The following RNF150 variants were observed in gnomAD, a reference collection of about 807,000 sequenced individuals.
RNF150 encodes ring finger protein 150.
A neutral mutation model predicts 39.3 loss-of-function variants in RNF150; 24 were observed. The observed-to-expected ratio is 0.61, with a 90% CI of 0.44 to 0.86. The LOEUF is 0.86. Ranked by LOEUF, RNF150 falls within the 40% of genes least tolerant of loss-of-function variation. The pLI is 0.00. For synonymous variants in RNF150, 255 were observed against 227.3 expected (o/e 1.12, Z -1.10); for missense variants, 502 against 587.8 (o/e 0.85, Z 1.51).
Position 141,132,817 on chromosome 4 carries a change from G to T in RNF150, c.-9C>A. 2.5e-6 allele frequency: 4 copies of T among 1,606,934 alleles called. No individual in the cohort carries two copies. Among genetic ancestry groups the T allele is most frequent in the Non-Finnish European group, 3.4e-6 (4 of 1,176,356 alleles). ...ATGAGAGACATTGCCATCTTTATCC[G>T]CCGGGGCCCCCTCCCCGCCCCCGCG... On this transcript the variant is annotated 5_prime_UTR_variant, in exon 1 of 7. Coordinates refer to ENST00000515673, the MANE Select transcript of RNF150 (RefSeq NM_020724.2). The surrounding 1 kb of genome is among the most constrained non-coding windows in gnomAD (Gnocchi z 4.9).
chr4:140,968,272 T>G (rs1256490783), intron 1 of RNF150, among the ~76,000 whole-genome samples: 1 of 151,904 alleles, frequency 6.6e-6, no homozygotes, highest in Admixed American at 6.6e-5. Context: ...GACTTTGCAT[T>G]CCATGACAAA....
chr4:141,210,011 A>G (rs10021229), intron 1 of RNF150, among the ~76,000 whole-genome samples: 33,670 of 151,972 alleles, frequency 0.22, 3,970 homozygotes, highest in South Asian at 0.32. Context: ...TAAGATATAA[A>G]GAGATAGAAA....
At chr4:140,881,426 T>G (rs908647546) in intron 6 of RNF150, among the ~76,000 whole-genome samples, 2 of 152,142 alleles carry the variant, frequency 1.3e-5, no homozygotes, top group Non-Finnish European at 2.9e-5. Context: ...AGCCTCCCAA[T>G]CTGCTGGGAT....
chr4:141,165,264 T>C (rs1052313599), intron 1 of RNF150, among the ~76,000 whole-genome samples: 2 of 152,128 alleles, frequency 1.3e-5, no homozygotes, highest in African/African-American at 4.8e-5. Context: ...TAAATATATA[T>C]GCACCCAGTA....
intron 1 of RNF150, among the ~76,000 whole-genome samples, chr4:141,115,582 C>G (rs180773067): frequency 1.3e-5 from 2 of 152,244 alleles, no homozygotes; most frequent in African/African-American, 4.8e-5. Context: ...TTTATTGATT[C>G]AAAGCTATCC....
chr4:140,886,290 T>A (rs1729575377), intron 6 of RNF150, among the ~76,000 whole-genome samples: 1 of 152,086 alleles, frequency 6.6e-6, no homozygotes, highest in Non-Finnish European at 1.5e-5. Context: ...TACTCCACAT[T>A]TTTCCAGAAT....
At position 140,978,248 on chromosome 4, in the gene RNF150, T is replaced by A. The variant is rs188456201; in HGVS notation, c.485-10375A>T. ...AAGACTCTGCTGCCAACTTGAAATATGTCAAATGCTGATGTTCCTGAAGTG... is the reference window on the plus strand; with the variant it reads ...AAGACTCTGCTGCCAACTTGAAATAAGTCAAATGCTGATGTTCCTGAAGTG... On this transcript the variant is annotated intron_variant, in intron 1 of 6. Transcript: ENST00000515673. Among the ~76,000 whole-genome samples, 575 of 152,276 alleles carry A rather than the reference T, an allele frequency of 3.8e-3. 5 individuals are homozygous for A. The highest frequency in any genetic ancestry group is 0.022 in the Admixed American group (332 of 15,276).
chr4:141,076,346 G>C (rs1737895447), intron 1 of RNF150, among the ~76,000 whole-genome samples: 1 of 151,998 alleles, frequency 6.6e-6, no homozygotes, highest in Non-Finnish European at 1.5e-5. Flanking sequence ...ACTAGATCAG[G>C]ATATTCAGTT....
At chr4:140,870,785 G>GT (rs561219425) in intron 6 of RNF150, among the ~76,000 whole-genome samples, 7 of 152,006 alleles carry the variant, frequency 4.6e-5, no homozygotes, top group African/African-American at 1.4e-4. Flanking sequence ...CCATTCATCT[G>GT]TTTTTTGCAG....
chr4:141,148,665 T>G (rs1320765746), intron 1 of RNF150, among the ~76,000 whole-genome samples: 3 of 152,188 alleles, frequency 2.0e-5, no homozygotes, highest in African/African-American at 7.2e-5. Flanking sequence ...GATCTCAAAC[T>G]CCTGACCTCA....
intron 1 of RNF150, among the ~76,000 whole-genome samples, chr4:141,044,728 T>C (rs898928272): frequency 2.0e-5 from 3 of 151,666 alleles, no homozygotes; most frequent in Non-Finnish European, 4.4e-5. Flanking sequence ...TGCCAATCCC[T>C]ACACATGTTG....
At chr4:140,923,037 T>A (rs959911886) in intron 5 of RNF150, among the ~76,000 whole-genome samples, 2 of 150,606 alleles carry the variant, frequency 1.3e-5, no homozygotes, top group Non-Finnish European at 2.9e-5. Context: ...ACCTAGGCAA[T>A]ACCATTCAGG....
chr4:141,113,187 G>C (rs1739442195), intron 1 of RNF150, among the ~76,000 whole-genome samples: 1 of 151,768 alleles, frequency 6.6e-6, no homozygotes, highest in Admixed American at 6.6e-5. Context: ...CTTTAGCTTG[G>C]AGGAGTTTGT....
chr4:141,127,706 T>C (rs956207898), intron 1 of RNF150, among the ~76,000 whole-genome samples: 14 of 152,186 alleles, frequency 9.2e-5, no homozygotes, highest in African/African-American at 3.4e-4. Context: ...CAACCATTTC[T>C]TCCCTTCCTC....
chr4:141,027,334 T>A (rs572500893), intron 1 of RNF150, among the ~76,000 whole-genome samples: 19 of 152,354 alleles, frequency 1.2e-4, no homozygotes, highest in Non-Finnish European at 2.6e-4. Context: ...AAGTGTTATA[T>A]AAACAATGAC....
chr4:140,963,312 T>C (rs906446646), intron 2 of RNF150, among the ~76,000 whole-genome samples: 1 of 152,054 alleles, frequency 6.6e-6, no homozygotes, highest in Non-Finnish European at 1.5e-5. Flanking sequence ...TTTCTACCAA[T>C]ACTTTAAGAA....
chr4:140,967,297 A>C (rs11724521), intron 2 of RNF150, among the ~76,000 whole-genome samples: 55,988 of 151,920 alleles, frequency 0.37, 11,784 homozygotes, highest in Non-Finnish European at 0.46. Flanking sequence ...TCTTCTGTTC[A>C]CAAGGAGAAA....
intron 1 of RNF150, among the ~76,000 whole-genome samples, chr4:141,109,156 T>C (rs1739308113): frequency 6.6e-6 from 1 of 152,156 alleles, no homozygotes; most frequent in Admixed American, 6.6e-5. Flanking sequence ...TGTTTTGCTA[T>C]TTACCCCCAG....
intron 6 of RNF150, among the ~76,000 whole-genome samples, chr4:140,896,961 A>G (rs535003486): frequency 2.0e-4 from 31 of 152,300 alleles, no homozygotes; most frequent in African/African-American, 5.5e-4. Context: ...CATCAAGATC[A>G]CAAGTAAGGC....
Sources: gnomAD v4.1 joint callset for allele counts (sites outside exome capture counted in the v4.1 genomes callset) on GRCh38, gnomAD v4.1.1 for gene constraint, Gnocchi (gnomAD v3.1) non-coding constraint, MANE v1.5 for transcripts, NCBI Gene and HGNC (gene_info 2026-07-23, HGNC 2026-07-21) for gene names.